PDZD2: variants seen among roughly 807,000 people sequenced by gnomAD.
The protein encoded by PDZD2 is PDZ domain-containing protein 2.
A neutral mutation model predicts 220.7 loss-of-function variants in PDZD2; 90 were observed. That is an observed-to-expected ratio of 0.41 (90% CI 0.34 to 0.49). PDZD2 has a LOEUF of 0.49. PDZD2 is among the 20% of genes least tolerant of loss of function. The probability of loss-of-function intolerance (pLI) is 0.28; values close to 1 mark genes in which losing one functional copy is unlikely to be tolerated. For missense variants in PDZD2, 3,174 were observed against 3,608.5 expected (o/e 0.88, Z 3.08); for synonymous variants, 1,375 against 1,450.5 (o/e 0.95, Z 1.18).
chr5:31,896,758 G>A (rs1343271373), intron 2 of PDZD2, among the ~76,000 whole-genome samples: 2 of 152,192 alleles, frequency 1.3e-5, no homozygotes, highest in Non-Finnish European at 2.9e-5. Context: ...TCAGGAGTTC[G>A]AGACCAGCTC....
At chr5:31,752,409 C>T (rs1751052297) in intron 1 of PDZD2, among the ~76,000 whole-genome samples, 8 of 152,008 alleles carry the variant, frequency 5.3e-5, no homozygotes, top group Admixed American at 4.6e-4. Context: ...ATTAGCCAGA[C>T]GTGGTGGTGG....
intron 1 of PDZD2, among the ~76,000 whole-genome samples, chr5:31,726,557 G>A (rs17414142): frequency 0.14 from 20,806 of 152,160 alleles, 1,489 homozygotes; most frequent in East Asian, 0.22. Context: ...CCCAGCACGC[G>A]TAGGTTTCAT....
chr5:31,803,075 C>G (rs1306349982), intron 2 of PDZD2, among the ~76,000 whole-genome samples: 1 of 150,398 alleles, frequency 6.6e-6, no homozygotes, highest in Non-Finnish European at 1.5e-5. Context: ...AGAGCATGGC[C>G]CAGAGCCTTT....
intron 1 of PDZD2, chr5:31,657,399 C>G (rs911908833): frequency 6.6e-6 from 1 of 152,108 alleles, no homozygotes; most frequent in South Asian, 2.1e-4. Flanking sequence ...ACAGCTCTAC[C>G]GTTGGCTTTA....
chr5:31,666,460 C>T (rs1487170109), intron 1 of PDZD2, among the ~76,000 whole-genome samples: 2 of 152,188 alleles, frequency 1.3e-5, no homozygotes, highest in African/African-American at 4.8e-5. Flanking sequence ...GCGCCTTTTG[C>T]GATTATTTTG....
intron 8 of PDZD2, among the ~76,000 whole-genome samples, chr5:32,048,955 C>T (rs946800271): frequency 1.7e-4 from 26 of 152,250 alleles, no homozygotes; most frequent in Admixed American, 1.4e-3. Context: ...TGCCAGGAGA[C>T]GATGGCGTCT....
intron 2 of PDZD2, among the ~76,000 whole-genome samples, chr5:31,813,137 AT>A (rs1302665264): frequency 1.3e-5 from 2 of 152,172 alleles, no homozygotes; most frequent in African/African-American, 4.8e-5. Flanking sequence ...GACCATTATA[AT>A]TAGCAAGATA....
rs144807569 is a variant in PDZD2 at position 31,660,461 on chromosome 5, C to T, written c.-361+21024C>T. ...AAGAGGTTTAATTGACTCTCAGTTC[C>T]GCATGGCTGGGAAGGCCTCAGGAAA... On this transcript the variant is annotated intron_variant, in intron 1 of 24. Coordinates refer to ENST00000438447, the MANE Select transcript of PDZD2 (RefSeq NM_178140.4). Among the ~76,000 whole-genome samples, 1,444 of 152,106 alleles carry T rather than the reference C, an allele frequency of 9.5e-3. 13 individuals are homozygous for T. Among genetic ancestry groups the T allele is most frequent in the African/African-American group, 0.032 (1,339 of 41,482 alleles).
intron 2 of PDZD2, chr5:31,854,972 G>A (rs1758304967): frequency 2.0e-6 from 2 of 985,502 alleles, no homozygotes; most frequent in Non-Finnish European, 2.4e-6. Flanking sequence ...GGGAAGTCCT[G>A]CAGGAGCCGC....
chr5:31,864,523 CTT>C (rs962086402), intron 2 of PDZD2, among the ~76,000 whole-genome samples: 3 of 146,408 alleles, frequency 2.0e-5, no homozygotes, highest in Non-Finnish European at 1.5e-5. Flanking sequence ...GAATTGCATC[CTT>C]TTTTTTTTTT....
intron 1 of PDZD2, among the ~76,000 whole-genome samples, chr5:31,690,524 A>T (rs1191180096): frequency 2.0e-5 from 3 of 152,194 alleles, no homozygotes; most frequent in African/African-American, 7.2e-5. Context: ...TAGCAGAGAC[A>T]CGCTGCTTTT....
At chr5:32,103,210 A>G (rs767348503) in intron 24 of PDZD2, among the ~76,000 whole-genome samples, 1 of 152,212 alleles carries the variant, frequency 6.6e-6, no homozygotes, top group Non-Finnish European at 1.5e-5. Context: ...AAAACTCATC[A>G]AGGGGCAAAA....
At chr5:31,890,678 A>G (rs1740949570) in intron 2 of PDZD2, among the ~76,000 whole-genome samples, 1 of 152,130 alleles carries the variant, frequency 6.6e-6, no homozygotes, top group African/African-American at 2.4e-5. Flanking sequence ...TGGGCTGTGT[A>G]TTTAATCTTC....
chr5:31,823,294 T>C (rs1756016883), intron 2 of PDZD2, among the ~76,000 whole-genome samples: 1 of 151,404 alleles, frequency 6.6e-6, no homozygotes, highest in Non-Finnish European at 1.5e-5. Flanking sequence ...TGGTGAAACC[T>C]GTCTTTACTA....
chr5:31,676,640 G>A (rs1453662409), intron 1 of PDZD2, among the ~76,000 whole-genome samples: 11 of 144,166 alleles, frequency 7.6e-5, no homozygotes, highest in Admixed American at 2.9e-4. Context: ...TGTAACCTCC[G>A]CCTCCTGGGT....
intron 6 of PDZD2, among the ~76,000 whole-genome samples, chr5:32,030,728 C>A (rs1359619533): frequency 6.6e-6 from 1 of 152,086 alleles, no homozygotes; most frequent in Non-Finnish European, 1.5e-5. Flanking sequence ...GCATGCTGAC[C>A]ACCACTGGCT....
At chr5:32,036,752 A>G (rs1014570918) in intron 6 of PDZD2, among the ~76,000 whole-genome samples, 1 of 152,240 alleles carries the variant, frequency 6.6e-6, no homozygotes, top group Non-Finnish European at 1.5e-5. Context: ...TTTTTACTGT[A>G]TTTTAGAAAC....
intron 2 of PDZD2, among the ~76,000 whole-genome samples, chr5:31,962,950 T>C (rs1391209859): frequency 6.6e-6 from 1 of 152,264 alleles, no homozygotes; most frequent in African/African-American, 2.4e-5. Flanking sequence ...GCTTTGATTT[T>C]GCTTTTGGAT....
Position 32,085,854 on chromosome 5 carries a change from G to GT in PDZD2, c.3683-1265dup, listed in dbSNP as rs34367845. Among the ~76,000 whole-genome samples the GT allele has an allele frequency of 3.7e-3, 547 of 146,894 alleles. 2 individuals carry two copies. Among genetic ancestry groups the GT allele is most frequent in the Non-Finnish European group, 5.5e-3 (364 of 66,246 alleles). On this transcript the variant is annotated intron_variant, in intron 19 of 24. Coordinates refer to ENST00000438447, the MANE Select transcript of PDZD2 (RefSeq NM_178140.4). ...GTGGTTCCATGCACATTTTACAACT[G>GT]TTTTTTTTTTTTCTATTTCTGTAAA...
Sources: allele counts gnomAD v4.1 joint callset (sites outside exome capture counted in the v4.1 genomes callset), GRCh38; gene constraint gnomAD v4.1.1; transcripts MANE v1.5; gene names NCBI Gene and HGNC (gene_info 2026-07-23, HGNC 2026-07-21).